Variants in SLC6A2 observed in about 807,000 individuals in gnomAD.
SLC6A2 encodes sodium-dependent noradrenaline transporter.
In SLC6A2, 26 loss-of-function variants were observed where a neutral mutation model predicts 71.7. That is an observed-to-expected ratio of 0.36 (90% CI 0.27 to 0.50). SLC6A2 has a LOEUF of 0.50. SLC6A2 is among the 20% of genes least tolerant of loss of function. The probability of loss-of-function intolerance (pLI) is 0.96; values close to 1 mark genes in which losing one functional copy is unlikely to be tolerated. For missense variants in SLC6A2, 581 were observed against 803.9 expected (o/e 0.72, Z 3.35); for synonymous variants, 363 against 337.9 (o/e 1.07, Z -0.82).
At chr16:55,692,141 T>C in intron 6 of SLC6A2, 89 bp downstream of exon 6, 1 of 1,439,388 alleles carries the variant, frequency 6.9e-7, no homozygotes, top group South Asian at 1.1e-5. Context: ...GTCCCAGCTC[T>C]GCCACAAATG....
chr16:55,693,908 T>C, intron 6 of SLC6A2, 102 bp from the exon 7 acceptor site: 1 of 829,324 alleles, frequency 1.2e-6, no homozygotes, highest in Non-Finnish European at 2.1e-6. Context: ...ATGTTTCCTC[T>C]GGTCTCAGAG....
intron 5 of SLC6A2, among the ~76,000 whole-genome samples, chr16:55,689,801 C>T (rs1304036901): frequency 9.2e-5 from 14 of 152,188 alleles, no homozygotes; most frequent in African/African-American, 3.4e-4. Flanking sequence ...GTTCTTGCCT[C>T]CCTGAAAGAA....
chr16:55,700,386 G>T (rs568148648), intron 13 of SLC6A2, 80 bp downstream of exon 13: 2 of 1,285,830 alleles, frequency 1.6e-6, no homozygotes, highest in African/African-American at 1.5e-5. Flanking sequence ...TCCTGTTGGG[G>T]TGGGGGAAGG....
chr16:55,693,729 T>C (rs1381976895), intron 6 of SLC6A2, among the ~76,000 whole-genome samples: 1 of 152,202 alleles, frequency 6.6e-6, no homozygotes, highest in Non-Finnish European at 1.5e-5. Flanking sequence ...TTGTTAACTT[T>C]CTTTGAAAAT....
chr16:55,697,762 G>A (rs1203806620), intron 9 of SLC6A2, 135 bp from the exon 10 acceptor site: 10 of 831,264 alleles, frequency 1.2e-5, no homozygotes, highest in Non-Finnish European at 1.6e-5. Context: ...AAGGCAGGAC[G>A]TGCTGATTTC....
intron 4 of SLC6A2, among the ~76,000 whole-genome samples, chr16:55,681,275 G>A (rs1965262660): frequency 6.6e-6 from 1 of 152,230 alleles, no homozygotes; most frequent in Non-Finnish European, 1.5e-5. Flanking sequence ...AAGACTCAGT[G>A]ATGGGAAATG....
intron 5 of SLC6A2, among the ~76,000 whole-genome samples, chr16:55,686,533 C>T (rs547941838): frequency 5.3e-5 from 8 of 152,218 alleles, no homozygotes; most frequent in South Asian, 2.1e-4. Flanking sequence ...GGGGCCACAG[C>T]GCAACAGTCT....
rs143624654 is a variant in SLC6A2 at position 55,672,387 on chromosome 16, G to A, written c.644+212G>A. 5.2e-3 allele frequency among the ~76,000 whole-genome samples: 796 copies of A among 152,324 alleles called. 3 individuals are homozygous for A. Among genetic ancestry groups the A allele is most frequent in the Non-Finnish European group, 6.3e-3 (426 of 68,034 alleles). On this transcript the variant is annotated intron_variant, in intron 4 of 14. Coordinates refer to ENST00000568943, the MANE Select transcript of SLC6A2 (RefSeq NM_001172501.3). ...GCTTGCGTTCTGGGGCAGGGAAGTG[G>A]AGGCGGGCAAGATAATACACAAATA...
intron 2 of SLC6A2, among the ~76,000 whole-genome samples, chr16:55,662,351 G>T (rs1964632319): frequency 6.6e-6 from 1 of 152,094 alleles, no homozygotes; most frequent in Non-Finnish European, 1.5e-5. Context: ...CCATTATTTA[G>T]CCAAAAAAAA....
chr16:55,691,695 G>T (rs1965634411), intron 5 of SLC6A2, among the ~76,000 whole-genome samples: 1 of 152,148 alleles, frequency 6.6e-6, no homozygotes, highest in South Asian at 2.1e-4. Flanking sequence ...TCTCACCCTG[G>T]GTTCTGAGCT....
intron 4 of SLC6A2, among the ~76,000 whole-genome samples, chr16:55,676,230 A>G (rs1285289955): frequency 2.0e-5 from 3 of 152,194 alleles, no homozygotes; most frequent in African/African-American, 7.2e-5. Flanking sequence ...CACTGCTGTC[A>G]CTGAACATCA....
chr16:55,689,311 T>C (rs1965544466), intron 5 of SLC6A2, among the ~76,000 whole-genome samples: 1 of 152,236 alleles, frequency 6.6e-6, no homozygotes, highest in Non-Finnish European at 1.5e-5. Context: ...AAGACTCAGA[T>C]GGTTTAGCTT....
At chr16:55,678,012 T>C (rs1965149426) in intron 4 of SLC6A2, among the ~76,000 whole-genome samples, 3 of 152,128 alleles carry the variant, frequency 2.0e-5, no homozygotes. Flanking sequence ...CCTCTTTTTT[T>C]CCTCTCCTTA....
chr16:55,658,489 G>A (rs1964520298), intron 2 of SLC6A2, among the ~76,000 whole-genome samples: 1 of 151,922 alleles, frequency 6.6e-6, no homozygotes, highest in South Asian at 2.1e-4. Flanking sequence ...CTCCAGCCTG[G>A]ACCATGGGTG....
intron 10 of SLC6A2, 81 bp from the exon 11 acceptor site, chr16:55,698,376 GGGACAGGGGGCA>G: frequency 1.1e-6 from 1 of 905,636 alleles, no homozygotes; most frequent in Non-Finnish European, 1.9e-6. Context: ...CCGAGCAAGT[GGGACAGGGGGCA>G]GGTAAGAGTT....
intron 9 of SLC6A2, 91 bp downstream of exon 9, chr16:55,696,428 A>G: frequency 2.5e-6 from 2 of 807,598 alleles, no homozygotes; most frequent in South Asian, 1.3e-5. Context: ...AGTTCCCACT[A>G]TTCAAACACC....
intron 2 of SLC6A2, among the ~76,000 whole-genome samples, chr16:55,663,397 A>G (rs1356506590): frequency 1.3e-5 from 2 of 152,052 alleles, no homozygotes; most frequent in African/African-American, 2.4e-5. Context: ...TGTACCCCTG[A>G]TCCCCTTTCC....
intron 2 of SLC6A2, among the ~76,000 whole-genome samples, chr16:55,662,907 A>G (rs1417497670): frequency 1.3e-5 from 2 of 152,190 alleles, no homozygotes; most frequent in African/African-American, 2.4e-5. Context: ...CCAGCACATC[A>G]GGCAAGTAAT....
At position 55,656,918 on chromosome 16, in the gene SLC6A2, AC is replaced by A; in HGVS notation, c.226del (p.Leu76TrpfsTer20). On this transcript the variant is annotated frameshift_variant, in exon 2 of 15. Transcript: ENST00000568943. LOFTEE classifies it high-confidence loss of function. The surrounding 1 kb of genome is among the most constrained non-coding windows in gnomAD (Gnocchi z 4.5). ...CTGTCCGTAGTCGGCTTCGCAGTGG[AC>A]CTGGCCAACGTGTGGCGCTTCCCCT... ...FLLSVVGFAV[D>X]LANVWRFPYL... 2 of 1,613,934 alleles carry A rather than the reference AC, an allele frequency of 1.2e-6. No homozygotes were observed. The highest frequency in any genetic ancestry group is 1.7e-6 in the Non-Finnish European group (2 of 1,179,918).
Sources: allele counts gnomAD v4.1 joint callset (sites outside exome capture counted in the v4.1 genomes callset), GRCh38; gene constraint gnomAD v4.1.1; non-coding constraint Gnocchi (gnomAD v3.1); transcripts MANE v1.5; gene names NCBI Gene and HGNC (gene_info 2026-07-23, HGNC 2026-07-21).